The following WIPI2 variants were observed in gnomAD, a reference collection of about 807,000 sequenced individuals.
WIPI2 encodes WD repeat domain phosphoinositide-interacting protein 2.
A neutral mutation model predicts 52.3 loss-of-function variants in WIPI2; 28 were observed. That is an observed-to-expected ratio of 0.54 (90% CI 0.40 to 0.73). WIPI2 has a LOEUF of 0.73. Among genes scored for constraint, WIPI2 ranks in the 30% least tolerant of loss-of-function variants. The pLI, the probability that WIPI2 is intolerant of heterozygous loss-of-function variation, is 0.00. For synonymous variants in WIPI2, 268 were observed against 245.0 expected, an observed-to-expected ratio of 1.09 and a Z score of -0.88; for missense variants, 506 against 602.9, an observed-to-expected ratio of 0.84 and a Z score of 1.68.
In WIPI2 at chr7:5,217,926, C is replaced by G. The variant is rs1360160726; in HGVS notation, c.581C>G (p.Ala194Gly). Residue 194 changes from alanine (A) to glycine (G), a missense_variant, in exon 7 of 13, where the codon GCT (alanine) becomes GGT (glycine). Around this residue, in one of 4 missense-constraint regions of WIPI2, gnomAD observed 237 missense variants for 346.9 expected, o/e 0.68. Coordinates refer to ENST00000288828, the MANE Select transcript of WIPI2 (RefSeq NM_015610.4). Reference sequence around the variant, plus strand: ...TTATTGGTGTCCCTTTTTCAGAGAGCTGCAAACATGATTCCGGCTCACGAC... The same window carrying G: ...TTATTGGTGTCCCTTTTTCAGAGAGGTGCAAACATGATTCCGGCTCACGAC... ...VQVFDTINLR[A>G]ANMIPAHDSP... 1 of 1,614,096 alleles carries G rather than the reference C, an allele frequency of 6.2e-7. No individual in the cohort carries two copies. The highest frequency in any genetic ancestry group is 8.5e-7 in the Non-Finnish European group (1 of 1,179,972).
chr7:5,194,573 C>A (rs1202304536), intron 2 of WIPI2, among the ~76,000 whole-genome samples: 1 of 152,044 alleles, frequency 6.6e-6, no homozygotes, highest in African/African-American at 2.4e-5. Flanking sequence ...GGTTCCATCC[C>A]CAGACCCTAA....
Position 5,225,962 on chromosome 7 carries a change from G to C in WIPI2, c.848+32G>C. ...TGCAAATATACGTTTCTTTAAAAAT[G>C]ATGCAAAACCCTTTGTCCCCACTTG... is the stretch of plus-strand genomic sequence containing the variant. On this transcript the variant is annotated intron_variant, in intron 9 of 12. Coordinates refer to ENST00000288828, the MANE Select transcript of WIPI2 (RefSeq NM_015610.4). 4 of 1,585,864 alleles carry C rather than the reference G, an allele frequency of 2.5e-6. No homozygotes were observed. In the South Asian group the frequency reaches 3.4e-5, roughly 14 times the overall value.
At chr7:5,190,648 G>C (rs1456522178) in intron 1 of WIPI2, 155 bp downstream of exon 1, 15 of 633,876 alleles carry the variant, frequency 2.4e-5, no homozygotes, top group Admixed American at 9.0e-5. Context: ...CCCGGGGCGT[G>C]CAGGGAGGGG....
intron 8 of WIPI2, among the ~76,000 whole-genome samples, chr7:5,223,800 C>T (rs1165372539): frequency 6.6e-6 from 1 of 152,184 alleles, no homozygotes; most frequent in African/African-American, 2.4e-5. Context: ...GCGCCACTTG[C>T]CACCCCCGCC....
Position 5,222,587 on chromosome 7 carries a change from C to G in WIPI2, c.670-15C>G, listed in dbSNP as rs974459857. ...AACTCAGCTCAAATTCTTCTTTTCT[C>G]TTTTCCTTCCACAGGGGACCGTGAT... On this transcript the variant is annotated splice_polypyrimidine_tract_variant and intron_variant, in intron 7 of 12. Transcript: ENST00000288828. 2 of 1,612,650 alleles carry G rather than the reference C, an allele frequency of 1.2e-6. No individual in the cohort carries two copies. The highest frequency in any genetic ancestry group is 1.3e-5 in the African/African-American group (1 of 74,870).
intron 10 of WIPI2, 36 bp from the exon 11 acceptor site, chr7:5,228,068 G>C (rs745882041): frequency 6.2e-7 from 1 of 1,602,666 alleles, no homozygotes; most frequent in Admixed American, 1.7e-5. Context: ...TTCTGTGACA[G>C]TTGTCTAGAA....
intron 6 of WIPI2, chr7:5,217,449 A>G (rs752183032): frequency 6.5e-6 from 3 of 463,210 alleles, no homozygotes; most frequent in South Asian, 2.1e-5. Context: ...CAGTCATGCA[A>G]CACCACACCC....
rs1204350146 is a variant in WIPI2 at position 5,190,384 on chromosome 7, C to T, written c.-36C>T. On this transcript the variant is annotated 5_prime_UTR_variant, in exon 1 of 13. Transcript: ENST00000288828. ...GCCTGACCCGCCCTCGCGCGCGCGC[C>T]CTCCCCGGCCGGGCCCACTCGCCGC... The T allele has an allele frequency of 4.5e-6, 6 of 1,325,020 alleles. No individual in the cohort carries two copies. Among genetic ancestry groups the T allele is most frequent in the East Asian group, 3.2e-5 (1 of 30,864 alleles). 82.1% of individuals were successfully genotyped at this position (1,325,020 alleles called of 1,614,324 possible).
At position 5,229,605 on chromosome 7, in the gene WIPI2, C is replaced by T. The variant is rs753357522; in HGVS notation, c.1122-3C>T. On this transcript the variant is annotated splice_polypyrimidine_tract_variant and splice_region_variant and intron_variant, in intron 11 of 12. Coordinates refer to ENST00000288828, the MANE Select transcript of WIPI2 (RefSeq NM_015610.4). ...CTGAGCTGTGTCGCTTTCTTCCCTC[C>T]AGGCTGGACGGCAGTCTGGAAACGA... 6.6e-5 allele frequency: 106 copies of T among 1,612,386 alleles called. No individual in the cohort carries two copies. Among genetic ancestry groups the T allele is most frequent in the Non-Finnish European group, 8.8e-5 (104 of 1,179,410 alleles).
Position 5,227,559 on chromosome 7 carries a change from T to G in WIPI2, c.1013+215T>G, listed in dbSNP as rs1156783177. Among the ~76,000 whole-genome samples, 1 of 152,150 alleles carries G rather than the reference T, an allele frequency of 6.6e-6. No homozygotes were observed. Among genetic ancestry groups the G allele is most frequent in the African/African-American group, 2.4e-5 (1 of 41,422 alleles). ...ATTTCCAGACGGGCTCCCGTTCTGT[T>G]TTTGTGGATAGTCTGCGGTATTAAT... On this transcript the variant is annotated intron_variant, in intron 10 of 12. Transcript: ENST00000288828. The surrounding 1 kb of genome is among the most constrained non-coding windows in gnomAD (Gnocchi z 8.1).
In WIPI2 at chr7:5,228,171, C is replaced by T. The variant is rs1783534545; in HGVS notation, c.1081C>T (p.Pro361Ser). Residue 361 changes from proline (P) to serine (S), a missense_variant, in exon 11 of 13, where the codon CCC becomes TCC. Pro to Ser is a moderately conservative substitution (Grantham distance 74, BLOSUM62 -1). Around this residue, in one of 4 missense-constraint regions of WIPI2, gnomAD observed 194 missense variants for 175.1 expected, o/e 1.11. Transcript: ENST00000288828. ...DGYLYMYNLDPQEGGECALMK... is the reference protein window; with the variant it reads ...DGYLYMYNLDSQEGGECALMK... ...GTACCTGTACATGTACAACCTGGAC[C>T]CCCAGGAGGGCGGCGAGTGTGCCCT... 1 of 1,613,758 alleles carries T rather than the reference C, an allele frequency of 6.2e-7. No individual in the cohort carries two copies. The highest frequency in any genetic ancestry group is 8.5e-7 in the Non-Finnish European group (1 of 1,179,980).
Position 5,232,429 on chromosome 7 carries a change from C to T in WIPI2, c.*1482C>T, listed in dbSNP as rs1033483206. On this transcript the variant is annotated 3_prime_UTR_variant, in exon 13 of 13. Transcript: ENST00000288828. Reference sequence around the variant, plus strand: ...CGACTCACCTACACCGGCTTCCTCCCAGCCGCTGGTGTGCGGCACACACAA... The same window carrying T: ...CGACTCACCTACACCGGCTTCCTCCTAGCCGCTGGTGTGCGGCACACACAA... 7.5e-5 allele frequency: 30 copies of T among 397,742 alleles called. 1 individual carries two copies. Among genetic ancestry groups the T allele is most frequent in the African/African-American group, 5.5e-4 (27 of 48,650 alleles). The allele number at this position is 397,742 out of a possible 1,614,324, so 24.6% of individuals were successfully genotyped here.
intron 11 of WIPI2, 25 bp downstream of exon 11, chr7:5,228,236 G>T: frequency 6.3e-7 from 1 of 1,591,612 alleles, no homozygotes; most frequent in Non-Finnish European, 8.5e-7. Flanking sequence ...GCCGCTTCAC[G>T]GAGCTGCTCC....
In WIPI2 at chr7:5,192,902, A is replaced by T. The variant is rs562750009; in HGVS notation, c.75-216A>T. Among the ~76,000 whole-genome samples the T allele has an allele frequency of 2.6e-5, 4 of 152,332 alleles. No individual in the cohort carries two copies. In the South Asian group the frequency reaches 8.3e-4, roughly 32 times the overall value. On this transcript the variant is annotated intron_variant, in intron 1 of 12. Coordinates refer to ENST00000288828, the MANE Select transcript of WIPI2 (RefSeq NM_015610.4). Reference sequence around the variant, plus strand: ...AGAAAATTTGGAAGCCAGTTCACTTACTAGAATATATATGTTATAGGGTCA... The same window carrying T: ...AGAAAATTTGGAAGCCAGTTCACTTTCTAGAATATATATGTTATAGGGTCA...
intron 6 of WIPI2, 44 bp from the exon 7 acceptor site, chr7:5,217,878 G>C (rs147209987): frequency 1.3e-6 from 2 of 1,599,046 alleles, no homozygotes; most frequent in South Asian, 2.2e-5. Flanking sequence ...GGGCGTGGGC[G>C]GTCACTGTGC....
chr7:5,197,379 G>C (rs1781804955), intron 2 of WIPI2, among the ~76,000 whole-genome samples: 1 of 151,966 alleles, frequency 6.6e-6, no homozygotes, highest in Non-Finnish European at 1.5e-5. Context: ...GAAAGTTCTG[G>C]GTTGCTGAGA....
rs1368109130 is a variant in WIPI2, at chr7:5,227,032, G to T, written c.849-148G>T. 3.6e-6 allele frequency: 4 copies of T among 1,110,520 alleles called. No individual in the cohort carries two copies. The highest frequency in any genetic ancestry group is 2.3e-5 in the Admixed American group (1 of 43,298). The allele number at this position is 1,110,520 out of a possible 1,614,324, so 68.8% of individuals were successfully genotyped here. On this transcript the variant is annotated intron_variant, in intron 9 of 12. Transcript: ENST00000288828. This position sits in a 1 kb window ranked among gnomAD's most constrained non-coding sequence, Gnocchi z 8.1. ...CCGTGATGCCCCTGGGGCCCTGAGT[G>T]TCTGCTTATAACCAACCCTGTTTAA... is the stretch of plus-strand genomic sequence containing the variant.
intron 2 of WIPI2, among the ~76,000 whole-genome samples, chr7:5,198,046 C>A (rs1460509908): frequency 6.6e-6 from 1 of 152,224 alleles, no homozygotes; most frequent in Non-Finnish European, 1.5e-5. Flanking sequence ...CCTTGAGCCT[C>A]CTCGCAGAAG....
Position 5,227,361 on chromosome 7 carries a change from C to G in WIPI2, c.1013+17C>G. The G allele has an allele frequency of 6.2e-7, 1 of 1,609,482 alleles. No individual in the cohort carries two copies. The highest frequency in any genetic ancestry group is 8.5e-7 in the Non-Finnish European group (1 of 1,179,308). ...GCTAGCCACGTGAGTAGAGCCGGCGCCTCCGTCCCCCACCCCGTGTGCCTC... is the reference window on the plus strand; with the variant it reads ...GCTAGCCACGTGAGTAGAGCCGGCGGCTCCGTCCCCCACCCCGTGTGCCTC... On this transcript the variant is annotated intron_variant, in intron 10 of 12. Transcript: ENST00000288828. This position sits in a 1 kb window ranked among gnomAD's most constrained non-coding sequence, Gnocchi z 8.1.
Sources: gnomAD v4.1 joint callset for allele counts (sites outside exome capture counted in the v4.1 genomes callset) on GRCh38, gnomAD v4.1.1 for gene constraint, gnomAD v4.1.1 regional missense constraint, Gnocchi (gnomAD v3.1) non-coding constraint, MANE v1.5 for transcripts, NCBI Gene and HGNC (gene_info 2026-07-23, HGNC 2026-07-21) for gene names.